The following TMEM50B variants were observed in gnomAD, a reference collection of about 807,000 sequenced individuals.
TMEM50B encodes the protein HCV p7-trans-regulated protein 3.
A neutral mutation model predicts 23.4 loss-of-function variants in TMEM50B; 14 were observed. The ratio of observed to expected loss-of-function variants is 0.60; its 90% CI spans 0.39 to 0.93. The LOEUF (loss-of-function observed/expected upper bound fraction) is 0.93. TMEM50B is among the 40% of genes least tolerant of loss of function. The pLI, the probability that TMEM50B is intolerant of heterozygous loss-of-function variation, is 0.00. For missense variants in TMEM50B, 159 were observed against 193.0 expected (o/e 0.82, Z 1.04); for synonymous variants, 64 against 62.3 (o/e 1.03, Z -0.13).
At chr21:33,462,103 A>G (rs1382824403) in intron 4 of TMEM50B, among the ~76,000 whole-genome samples, 4 of 152,108 alleles carry the variant, frequency 2.6e-5, no homozygotes, top group Non-Finnish European at 5.9e-5. Flanking sequence ...TCATTTTTCT[A>G]CCTAGTTCCT....
intron 1 of TMEM50B, among the ~76,000 whole-genome samples, chr21:33,477,549 A>T (rs1442692329): frequency 6.6e-6 from 1 of 152,098 alleles, no homozygotes; most frequent in East Asian, 1.9e-4. Context: ...TTTAAAAAGT[A>T]AAACGGGCTA....
At chr21:33,478,693 A>G (rs760712889) in intron 1 of TMEM50B, 1 of 456,588 alleles carries the variant, frequency 2.2e-6, no homozygotes, top group Non-Finnish European at 4.5e-6. Context: ...CGCGATAAAT[A>G]TTCAAGATAA....
chr21:33,460,284 T>G, intron 5 of TMEM50B, 129 bp downstream of exon 5: 1 of 692,576 alleles, frequency 1.4e-6, no homozygotes, highest in Non-Finnish European at 2.6e-6. Context: ...AACTCATGTA[T>G]CTTCACACAG....
At chr21:33,435,757 C>A (rs1371079345) in intron 8 of TMEM50B, among the ~76,000 whole-genome samples, 2 of 151,930 alleles carry the variant, frequency 1.3e-5, no homozygotes, top group African/African-American at 4.8e-5. Context: ...GTGGCATGCG[C>A]CTGTAGTCCC....
In TMEM50B at chr21:33,467,061, A is replaced by C; in HGVS notation, c.161T>G (p.Leu54Trp). Residue 54 changes from leucine (L) to tryptophan (W), a missense_variant, in exon 3 of 7, where the codon TTG becomes TGG. Transcript: ENST00000542230. ...ACCACATGTGTGAAAGGCATGGTTC[A>C]ACTGTTCTGGCTTAGGATACACCAC... ...AAVVYPKPEQLNHAFHTCGVF... is the reference protein window; with the variant it reads ...AAVVYPKPEQWNHAFHTCGVF... 1 of 1,614,230 alleles carries C rather than the reference A, an allele frequency of 6.2e-7. No individual in the cohort carries two copies. Among genetic ancestry groups the C allele is most frequent in the Non-Finnish European group, 8.5e-7 (1 of 1,180,036 alleles).
At position 33,449,588 on chromosome 21, in the gene TMEM50B, A is replaced by G. The variant is rs890652654; in HGVS notation, c.*1230T>C. The G allele has an allele frequency of 3.9e-5, 6 of 152,238 alleles. No individual in the cohort carries two copies. Among genetic ancestry groups the G allele is most frequent in the Non-Finnish European group, 5.9e-5 (4 of 68,044 alleles). The allele number at this position is 152,238 out of a possible 1,614,324, so 9.4% of individuals were successfully genotyped here. A position where few individuals can be genotyped will look rare whatever the true frequency, so the allele number is the denominator to read the frequency against. ...GAGTATGAACTTTCAAGTTGAAGATATATTTCACAGGAATATTCACCCAAA... is the reference window on the plus strand; with the variant it reads ...GAGTATGAACTTTCAAGTTGAAGATGTATTTCACAGGAATATTCACCCAAA... On this transcript the variant is annotated 3_prime_UTR_variant, in exon 7 of 7. Transcript: ENST00000542230.
In TMEM50B at chr21:33,440,647, C is replaced by G. The variant is rs142094379; in HGVS notation, c.*2037-1350G>C. On this transcript the variant is annotated intron_variant and NMD_transcript_variant, in intron 7 of 8. Coordinates refer to the TMEM50B transcript ENST00000420455. Reference sequence around the variant, plus strand: ...CTTGTAATCCCAGAACTTTGGGAGGCTGAGGCAGGAGGGATCATGAGGTCA... The same window carrying G: ...CTTGTAATCCCAGAACTTTGGGAGGGTGAGGCAGGAGGGATCATGAGGTCA... Among the ~76,000 whole-genome samples, 816 of 149,920 alleles carry G rather than the reference C, an allele frequency of 5.4e-3. 7 individuals are homozygous for G. Among genetic ancestry groups the G allele is most frequent in the African/African-American group, 0.019 (778 of 40,634 alleles).
At chr21:33,437,915 G>A (rs17884116) in intron 8 of TMEM50B, among the ~76,000 whole-genome samples, 61 of 151,582 alleles carry the variant, frequency 4.0e-4, no homozygotes, top group African/African-American at 1.3e-3. Flanking sequence ...CCTGGGAGGC[G>A]GAGGTTACCA....
rs932500942 is a variant in TMEM50B, at chr21:33,465,284, T to C, written c.280+58A>G. On this transcript the variant is annotated intron_variant, in intron 4 of 6. Transcript: ENST00000542230. ...ATAAAGACTCACAAGAGAGGCTTTTTTTCTGGTGACAAATTTCTGTTTTGT... is the reference window on the plus strand; with the variant it reads ...ATAAAGACTCACAAGAGAGGCTTTTCTTCTGGTGACAAATTTCTGTTTTGT... 22 of 1,352,460 alleles carry C rather than the reference T, an allele frequency of 1.6e-5. No individual in the cohort carries two copies. The Admixed American group carries it at 1.8e-4, about 11-fold the overall frequency. 83.8% of individuals were successfully genotyped at this position (1,352,460 alleles called of 1,614,324 possible).
chr21:33,455,657 A>G, intron 6 of TMEM50B, 70 bp downstream of exon 6: 1 of 1,272,358 alleles, frequency 7.9e-7, no homozygotes, highest in Non-Finnish European at 1.1e-6. Context: ...TGTTCCATAT[A>G]TATGCTGCCT....
chr21:33,443,895 TTTTTTTGTTTG>T (rs1568971487), intron 7 of TMEM50B, among the ~76,000 whole-genome samples: 1 of 107,402 alleles, frequency 9.3e-6, no homozygotes, highest in Admixed American at 9.3e-5. Context: ...CTTTGTGGTT[TTTTTTTGTTTG>T]TTTGTTTGTT....
chr21:33,433,998 G>A (rs2284556), intron 8 of TMEM50B, among the ~76,000 whole-genome samples: 88,604 of 151,596 alleles, frequency 0.58, 27,916 homozygotes, highest in East Asian at 0.82. Context: ...AGGGCCCTAA[G>A]GCAGAGTCAA....
At chr21:33,441,008 T>C (rs956437924) in intron 7 of TMEM50B, among the ~76,000 whole-genome samples, 1 of 152,020 alleles carries the variant, frequency 6.6e-6, no homozygotes, top group African/African-American at 2.4e-5. Flanking sequence ...GGTGAGCGGA[T>C]CGCCTGAGGT....
intron 1 of TMEM50B, among the ~76,000 whole-genome samples, chr21:33,478,508 T>C (rs1193800185): frequency 1.3e-5 from 2 of 152,054 alleles, no homozygotes; most frequent in Non-Finnish European, 2.9e-5. Context: ...ATACGATAAA[T>C]TCTTTACCTT....
At chr21:33,445,658 C>T (rs2084046999), downstream of TMEM50B, among the ~76,000 whole-genome samples, 2 of 152,208 alleles carry the variant, frequency 1.3e-5, no homozygotes, top group East Asian at 3.9e-4. Flanking sequence ...ATTAGCCAGG[C>T]GTGGTGGCAT....
intron 1 of TMEM50B, among the ~76,000 whole-genome samples, chr21:33,472,422 G>A (rs13048219): frequency 0.19 from 28,216 of 151,910 alleles, 3,183 homozygotes; most frequent in Non-Finnish European, 0.24. Context: ...GAACTTAATC[G>A]CAGATTAGAT....
In TMEM50B at chr21:33,450,382, G is replaced by A. The variant is rs1210611149; in HGVS notation, c.*436C>T. 1 of 153,020 alleles carries A rather than the reference G, an allele frequency of 6.5e-6. No individual in the cohort carries two copies. The highest frequency in any genetic ancestry group is 1.5e-5 in the Non-Finnish European group (1 of 68,586). The allele number at this position is 153,020 out of a possible 1,614,324, so 9.5% of individuals were successfully genotyped here. On this transcript the variant is annotated 3_prime_UTR_variant, in exon 7 of 7. Coordinates refer to ENST00000542230, the MANE Select transcript of TMEM50B (RefSeq NM_006134.7). The stretch of plus-strand genomic sequence containing the variant: ...CTGGCTAATTTTTGTATTTTTAGTA[G>A]ATGGGGTTTCGCCATGTTGGCCAGG...
chr21:33,466,367 G>A (rs1386094515), intron 3 of TMEM50B, among the ~76,000 whole-genome samples: 1 of 151,988 alleles, frequency 6.6e-6, no homozygotes, highest in Non-Finnish European at 1.5e-5. Context: ...GCTTTTTTAT[G>A]AAATGAGGTA....
At chr21:33,441,855 T>C (rs1323567771) in intron 7 of TMEM50B, among the ~76,000 whole-genome samples, 1 of 152,188 alleles carries the variant, frequency 6.6e-6, no homozygotes, top group Admixed American at 6.5e-5. Flanking sequence ...GGTCTTGAAC[T>C]CCTGACCTCA....
Sources: gnomAD v4.1 joint callset for allele counts (sites outside exome capture counted in the v4.1 genomes callset) on GRCh38, gnomAD v4.1.1 for gene constraint, MANE v1.5 for transcripts, NCBI Gene and HGNC (gene_info 2026-07-23, HGNC 2026-07-21) for gene names.